LINGO2: variants seen among roughly 807,000 people sequenced by gnomAD.
The protein encoded by LINGO2 is leucine rich repeat and Ig domain containing 2.
In LINGO2, 14 loss-of-function variants were observed where a neutral mutation model predicts 30.6. That is an observed-to-expected ratio of 0.46 (90% CI 0.30 to 0.72). The LOEUF (loss-of-function observed/expected upper bound fraction) is 0.72. LINGO2 is among the 30% of genes least tolerant of loss of function. The pLI, the probability that LINGO2 is intolerant of heterozygous loss-of-function variation, is 0.07. For synonymous variants in LINGO2, 317 were observed against 288.5 expected (o/e 1.10, Z -1.00); for missense variants, 729 against 751.7 (o/e 0.97, Z 0.35).
intron 5 of LINGO2, among the ~76,000 whole-genome samples, chr9:27,953,153 C>T (rs1819396414): frequency 6.6e-6 from 1 of 151,732 alleles, no homozygotes. Context: ...CATTTTTAGC[C>T]AGAATTAACA....
chr9:29,201,024 G>T, the LINGO2 span, among the ~76,000 whole-genome samples: 1 of 151,932 alleles, frequency 6.6e-6, no homozygotes, highest in Non-Finnish European at 1.5e-5. Context: ...GATCACCACA[G>T]TTGATGTTGA....
chr9:28,956,556 TTTCC>T, the LINGO2 span, among the ~76,000 whole-genome samples: 9 of 141,962 alleles, frequency 6.3e-5, no homozygotes, highest in South Asian at 2.4e-4. Context: ...TTGACAAATA[TTTCC>T]TTCCTTCCTT....
chr9:28,959,645 C>CACAG, the LINGO2 span, among the ~76,000 whole-genome samples: 395 of 150,010 alleles, frequency 2.6e-3, 2 homozygotes, highest in African/African-American at 9.0e-3. Context: ...CACACACACA[C>CACAG]AGAGAACAAT....
chr9:28,053,569 A>G (rs908194662), intron 4 of LINGO2, among the ~76,000 whole-genome samples: 1 of 152,108 alleles, frequency 6.6e-6, no homozygotes, highest in African/African-American at 2.4e-5. Flanking sequence ...CAGATCAGAT[A>G]AGGTTTACAA....
intron 4 of LINGO2, among the ~76,000 whole-genome samples, chr9:28,107,530 T>G (rs946002979): frequency 2.0e-4 from 31 of 152,174 alleles, no homozygotes; most frequent in Non-Finnish European, 4.6e-4. Flanking sequence ...CTACTATGCA[T>G]ATTTCTGAGC....
At chr9:28,596,936 C>A (rs1006262525) in intron 1 of LINGO2, among the ~76,000 whole-genome samples, 1 of 152,054 alleles carries the variant, frequency 6.6e-6, no homozygotes, top group African/African-American at 2.4e-5. Context: ...CCCCTGTGTT[C>A]CATGGCTATA....
intron 1 of LINGO2, among the ~76,000 whole-genome samples, chr9:28,626,668 ACAC>A (rs1015315177): frequency 3.3e-5 from 5 of 152,042 alleles, no homozygotes; most frequent in Admixed American, 2.0e-4. Flanking sequence ...TGTCATGCCA[ACAC>A]CACACTATCT....
At chr9:28,273,826 T>G (rs1823025754) in intron 4 of LINGO2, among the ~76,000 whole-genome samples, 1 of 152,140 alleles carries the variant, frequency 6.6e-6, no homozygotes. Context: ...AAGAAAACCT[T>G]GTAATCTTCA....
chr9:28,133,673 A>C (rs143482568), intron 4 of LINGO2, among the ~76,000 whole-genome samples: 3 of 152,316 alleles, frequency 2.0e-5, no homozygotes, highest in African/African-American at 7.2e-5. Flanking sequence ...CATAGAACTC[A>C]GATTTCTTTT....
intron 1 of LINGO2, among the ~76,000 whole-genome samples, chr9:28,549,574 G>A (rs960860356): frequency 2.6e-5 from 4 of 151,896 alleles, no homozygotes; most frequent in African/African-American, 9.7e-5. Context: ...AGTTGCAGTA[G>A]CAGTGTATGA....
the LINGO2 span, among the ~76,000 whole-genome samples, chr9:28,780,104 C>G: frequency 1.3e-5 from 2 of 152,164 alleles, no homozygotes; most frequent in East Asian, 3.9e-4. Flanking sequence ...AAATGATGTA[C>G]AGATTTTAAT....
rs534604033 is a variant in LINGO2 at position 28,303,393 on chromosome 9, T to C, written c.-245-8027A>G. ...TGGATGTGACCTAACTCAACTAACA[T>C]GACCTAAATATGAAAGCTTGAGGGA... is the stretch of plus-strand genomic sequence containing the variant. On this transcript the variant is annotated intron_variant, in intron 3 of 5. Coordinates refer to ENST00000379992, the Ensembl canonical transcript of LINGO2. Among the ~76,000 whole-genome samples, 5 of 152,222 alleles carry C rather than the reference T, an allele frequency of 3.3e-5. No individual in the cohort carries two copies. The South Asian group carries it at 8.3e-4, about 25-fold the overall frequency.
intron 2 of LINGO2, among the ~76,000 whole-genome samples, chr9:28,467,977 A>C (rs1825378017): frequency 6.6e-6 from 1 of 152,306 alleles, no homozygotes; most frequent in African/African-American, 2.4e-5. Context: ...TACATTCACA[A>C]TGTATTTTGT....
intron 5 of LINGO2, among the ~76,000 whole-genome samples, chr9:27,965,269 CAGT>C (rs1820043432): frequency 1.3e-5 from 2 of 151,904 alleles, no homozygotes; most frequent in African/African-American, 2.4e-5. Flanking sequence ...TTTTGACTCT[CAGT>C]ATTTTTTTTT....
At chr9:28,571,106 G>T (rs1233221609) in intron 1 of LINGO2, among the ~76,000 whole-genome samples, 4 of 152,028 alleles carry the variant, frequency 2.6e-5, no homozygotes, top group South Asian at 2.1e-4. Context: ...CCATGATGTA[G>T]ACTGAGCAGC....
chr9:29,140,858 G>A, the LINGO2 span, among the ~76,000 whole-genome samples: 1 of 151,738 alleles, frequency 6.6e-6, no homozygotes, highest in African/African-American at 2.4e-5. Flanking sequence ...GAGGCCAAAG[G>A]TAGTAAAATG....
At chr9:28,983,008 T>TC in the LINGO2 span, among the ~76,000 whole-genome samples, 7 of 151,880 alleles carry the variant, frequency 4.6e-5, no homozygotes, top group Non-Finnish European at 1.0e-4. Context: ...GCCTACTTTT[T>TC]CCCAATATTT....
the LINGO2 span, among the ~76,000 whole-genome samples, chr9:29,073,198 C>T: frequency 6.6e-6 from 1 of 151,978 alleles, no homozygotes; most frequent in East Asian, 1.9e-4. Context: ...ATACATATCT[C>T]CATGCTCTTT....
chr9:28,936,898 T>A, the LINGO2 span, among the ~76,000 whole-genome samples: 1 of 152,156 alleles, frequency 6.6e-6, no homozygotes, highest in Non-Finnish European at 1.5e-5. Context: ...ACAGCAGGAT[T>A]GGTTTCTGGT....
Sources: allele counts gnomAD v4.1 joint callset (sites outside exome capture counted in the v4.1 genomes callset), GRCh38; gene constraint gnomAD v4.1.1; transcripts MANE v1.5; gene names NCBI Gene and HGNC (gene_info 2026-07-23, HGNC 2026-07-21).